Variants in BBS9 observed in about 807,000 individuals in gnomAD.
The protein encoded by BBS9 is Bardet-Biedl syndrome 9.
BBS9 carries 89 observed loss-of-function variants against 117.7 expected under a neutral mutation model. That is an observed-to-expected ratio of 0.76 (90% confidence interval 0.64 to 0.90). The LOEUF (loss-of-function observed/expected upper bound fraction) is 0.90. Ranked by LOEUF, BBS9 falls within the 40% of genes least tolerant of loss-of-function variation. The pLI is 0.00. For synonymous variants in BBS9, 379 were observed against 370.9 expected (o/e 1.02, Z -0.25); for missense variants, 982 against 1,042.2 (o/e 0.94, Z 0.80).
At position 33,571,965 on chromosome 7, in the gene BBS9, T is replaced by C. The variant is rs74477551; in HGVS notation, c.2522-32900T>C. ...CATATCAATTCCACTCCTCTCGTTA[T>C]TTTTAAATATATAATAAATTATTGT... On this transcript the variant is annotated intron_variant, in intron 21 of 22. Transcript: ENST00000242067. Among the ~76,000 whole-genome samples, 62 of 152,186 alleles carry C rather than the reference T, an allele frequency of 4.1e-4. 2 individuals are homozygous for C. The East Asian group carries it at 0.011, about 27-fold the overall frequency.
At chr7:33,183,843 C>T (rs1798423695) in intron 5 of BBS9, among the ~76,000 whole-genome samples, 1 of 152,076 alleles carries the variant, frequency 6.6e-6, no homozygotes, top group Admixed American at 6.5e-5. Flanking sequence ...CTTCAGGAAC[C>T]TGCAGCAAAG....
chr7:33,426,161 C>T (rs144241250), intron 19 of BBS9, among the ~76,000 whole-genome samples: 1 of 152,146 alleles, frequency 6.6e-6, no homozygotes, highest in Non-Finnish European at 1.5e-5. Context: ...TTACTACAGC[C>T]ACACCAGCTT....
At chr7:33,337,172 G>A (rs542659297) in intron 10 of BBS9, among the ~76,000 whole-genome samples, 8 of 151,982 alleles carry the variant, frequency 5.3e-5, no homozygotes, top group Non-Finnish European at 7.4e-5. Context: ...TTCAGTTCCC[G>A]AGTTTTGAAT....
chr7:33,576,461 C>A (rs193191927), intron 21 of BBS9, among the ~76,000 whole-genome samples: 6 of 152,056 alleles, frequency 3.9e-5, no homozygotes, highest in African/African-American at 1.4e-4. Flanking sequence ...GAATCAATAT[C>A]GTGAAAATGG....
At chr7:33,601,251 G>A (rs1863751720) in intron 21 of BBS9, among the ~76,000 whole-genome samples, 1 of 152,020 alleles carries the variant, frequency 6.6e-6, no homozygotes, top group Admixed American at 6.6e-5. Flanking sequence ...TGATTTCCAG[G>A]CCAGAAGCCT....
chr7:33,534,197 C>A, intron 21 of BBS9, 21 bp downstream of exon 21: 1 of 1,604,342 alleles, frequency 6.2e-7, no homozygotes, highest in South Asian at 1.1e-5. Context: ...TGTCCATGCT[C>A]CCTAATCACA....
chr7:33,493,274 G>C (rs1462762662), intron 19 of BBS9, among the ~76,000 whole-genome samples: 2 of 152,166 alleles, frequency 1.3e-5, no homozygotes, highest in Admixed American at 1.3e-4. Flanking sequence ...GATTCCAGCT[G>C]TGAACCACCG....
At chr7:33,285,428 A>G (rs13224392) in intron 9 of BBS9, among the ~76,000 whole-genome samples, 21,702 of 152,132 alleles carry the variant, frequency 0.14, 1,860 homozygotes, top group Non-Finnish European at 0.19. Flanking sequence ...CATAGTTCGT[A>G]TATTTTTTCT....
chr7:33,529,120 A>C (rs893824480), intron 20 of BBS9, among the ~76,000 whole-genome samples: 2 of 152,210 alleles, frequency 1.3e-5, no homozygotes, highest in African/African-American at 4.8e-5. Flanking sequence ...CCTTGAATTT[A>C]AAGAGCTGGC....
intron 19 of BBS9, among the ~76,000 whole-genome samples, chr7:33,423,232 G>A (rs886429811): frequency 5.9e-5 from 9 of 152,146 alleles, no homozygotes; most frequent in South Asian, 4.2e-4. Flanking sequence ...GTGCGGACCC[G>A]ATTCCATAGC....
chr7:33,347,128 A>T (rs1268560807), intron 12 of BBS9, among the ~76,000 whole-genome samples: 3 of 152,172 alleles, frequency 2.0e-5, no homozygotes, highest in Non-Finnish European at 4.4e-5. Context: ...TCTGAGCCAC[A>T]GTCTTTTGTA....
At position 33,146,369 on chromosome 7, in the gene BBS9, G is replaced by A. The variant is rs752284878; in HGVS notation, c.112+5G>A. 3 of 1,602,116 alleles carry A rather than the reference G, an allele frequency of 1.9e-6. No homozygotes were observed. Among genetic ancestry groups the A allele is most frequent in the East Asian group, 4.5e-5 (2 of 44,824 alleles). ...ACAATAGTGGAAATGGACAAGGTAA[G>A]CAACTTACAACCATACATCTTGGAT... On this transcript the variant is annotated splice_donor_5th_base_variant and intron_variant, in intron 2 of 22. Coordinates refer to ENST00000242067, the MANE Select transcript of BBS9 (RefSeq NM_198428.3).
chr7:33,168,245 A>G (rs1011077750), intron 4 of BBS9, among the ~76,000 whole-genome samples: 1 of 152,188 alleles, frequency 6.6e-6, no homozygotes, highest in African/African-American at 2.4e-5. Context: ...CAAATTGTCA[A>G]GGTTTTATAA....
chr7:33,582,739 G>A (rs190096178), intron 21 of BBS9, among the ~76,000 whole-genome samples: 28 of 152,206 alleles, frequency 1.8e-4, no homozygotes, highest in Non-Finnish European at 3.5e-4. Flanking sequence ...ATGTTTACAT[G>A]GACTTAAAGA....
intron 9 of BBS9, among the ~76,000 whole-genome samples, chr7:33,320,549 A>G (rs1426118680): frequency 6.6e-6 from 1 of 152,174 alleles, no homozygotes; most frequent in Admixed American, 6.5e-5. Flanking sequence ...GCTGCAATAA[A>G]CATGAGACTG....
chr7:33,321,197 C>T (rs1047102624), intron 9 of BBS9, among the ~76,000 whole-genome samples: 10 of 151,972 alleles, frequency 6.6e-5, no homozygotes, highest in Admixed American at 6.6e-5. Context: ...TTTTCTTGCT[C>T]AGGATAGCTT....
At chr7:33,451,532 C>G (rs1229539302) in intron 19 of BBS9, among the ~76,000 whole-genome samples, 1 of 152,174 alleles carries the variant, frequency 6.6e-6, no homozygotes, top group East Asian at 1.9e-4. Context: ...TCTGGGCTCT[C>G]TGTTCTGTCC....
At chr7:33,560,105 C>T (rs1242767100) in intron 21 of BBS9, among the ~76,000 whole-genome samples, 2 of 152,166 alleles carry the variant, frequency 1.3e-5, no homozygotes, top group Non-Finnish European at 2.9e-5. Flanking sequence ...CTTAACCCAA[C>T]CCTGCAGTGG....
At chr7:33,561,044 C>T (rs1856011040) in intron 21 of BBS9, among the ~76,000 whole-genome samples, 1 of 152,164 alleles carries the variant, frequency 6.6e-6, no homozygotes. Context: ...GAGACCCTTC[C>T]TTTTAAAACT....
Sources: allele counts gnomAD v4.1 joint callset (sites outside exome capture counted in the v4.1 genomes callset), GRCh38; gene constraint gnomAD v4.1.1; transcripts MANE v1.5; gene names NCBI Gene and HGNC (gene_info 2026-07-23, HGNC 2026-07-21).